Variants in ADGRV1 observed in about 807,000 individuals in gnomAD.
The protein encoded by ADGRV1 is adhesion G protein-coupled receptor V1, also known as G-protein coupled receptor 98.
In ADGRV1, 359 loss-of-function variants were observed where a neutral mutation model predicts 596.2. The observed-to-expected ratio is 0.60, with a 90% CI of 0.55 to 0.66. The LOEUF is 0.66. ADGRV1 is among the 30% of genes least tolerant of loss of function. The probability of loss-of-function intolerance (pLI) is 0.00; values close to 1 mark genes in which losing one functional copy is unlikely to be tolerated. For missense variants in ADGRV1, 7,274 were observed against 7,575.6 expected (o/e 0.96, Z 1.48); for synonymous variants, 2,681 against 2,679.2 (o/e 1.00, Z -0.02).
intron 85 of ADGRV1, among the ~76,000 whole-genome samples, chr5:90,997,798 T>C (rs939042538): frequency 6.6e-6 from 1 of 152,184 alleles, no homozygotes; most frequent in Non-Finnish European, 1.5e-5. Flanking sequence ...CTCTGTGAGC[T>C]TGAAGTTTTC....
intron 1 of ADGRV1, among the ~76,000 whole-genome samples, chr5:90,607,824 C>T (rs947088165): frequency 2.6e-5 from 4 of 152,054 alleles, no homozygotes; most frequent in African/African-American, 9.7e-5. Flanking sequence ...GCATCCCAGT[C>T]ATCAGTTTAG....
At chr5:91,116,382 C>T (rs1431862941) in intron 87 of ADGRV1, among the ~76,000 whole-genome samples, 2 of 152,208 alleles carry the variant, frequency 1.3e-5, no homozygotes, top group Non-Finnish European at 1.5e-5. Flanking sequence ...ACTTACTTTA[C>T]AAGGCACCTA....
intron 84 of ADGRV1, among the ~76,000 whole-genome samples, chr5:90,980,154 A>T (rs1304337350): frequency 3.9e-5 from 6 of 152,214 alleles, no homozygotes; most frequent in Admixed American, 2.6e-4. Flanking sequence ...AGAATTCAAG[A>T]GTACATCATC....
chr5:90,637,727 A>G lies in ADGRV1; in HGVS notation c.2019A>G (p.Val673=), dbSNP rs1339522216. ...TTCTGTTCTTTTCTTTTTATAAGGT[A>G]TACATTCCCTTACATCGGGATGGAA... The part of the protein sequence containing the change: ...HEPEDFAAEV[V]YIPLHRDGTD... The change falls in exon 11 of 90, where the codon GTA becomes GTG. Residue 673 remains valine, a splice_region_variant and synonymous_variant. Transcript: ENST00000405460. 4 of 1,604,296 alleles carry G rather than the reference A, an allele frequency of 2.5e-6. No individual in the cohort carries two copies. The highest frequency in any genetic ancestry group is 1.7e-5 in the Admixed American group (1 of 58,854).
At chr5:91,108,738 A>G (rs772628327) in intron 87 of ADGRV1, among the ~76,000 whole-genome samples, 2 of 152,070 alleles carry the variant, frequency 1.3e-5, no homozygotes, top group African/African-American at 2.4e-5. Flanking sequence ...CTACAGGCAC[A>G]TACCACCATG....
intron 21 of ADGRV1, among the ~76,000 whole-genome samples, chr5:90,661,180 TA>T (rs1344349464): frequency 2.6e-5 from 4 of 152,210 alleles, no homozygotes; most frequent in African/African-American, 7.2e-5. Flanking sequence ...TACCATATTT[TA>T]GCACTGTTTT....
At chr5:90,626,230 CATT>C (rs1764736022) in intron 6 of ADGRV1, 1 of 151,766 alleles carries the variant, frequency 6.6e-6, no homozygotes, top group South Asian at 2.1e-4. Context: ...TATTAGAAGA[CATT>C]ATTAGAAAAG....
At chr5:90,848,467 A>G (rs1331918835) in intron 78 of ADGRV1, among the ~76,000 whole-genome samples, 170 bp from the exon 79 acceptor site, 1 of 152,162 alleles carries the variant, frequency 6.6e-6, no homozygotes, top group Non-Finnish European at 1.5e-5. Flanking sequence ...AACTGCAAAT[A>G]TATATATTTG....
chr5:90,959,975 T>TA (rs1481627804), intron 83 of ADGRV1, among the ~76,000 whole-genome samples: 2 of 151,300 alleles, frequency 1.3e-5, no homozygotes, highest in Non-Finnish European at 3.0e-5. Context: ...CCGTCTCTAC[T>TA]AAAAATACAA....
chr5:90,816,746 A>C (rs1357916959), intron 75 of ADGRV1, among the ~76,000 whole-genome samples: 2 of 151,728 alleles, frequency 1.3e-5, no homozygotes, highest in South Asian at 2.1e-4. Context: ...TGAACTCATC[A>C]TTTTTTATGG....
At chr5:90,791,699 G>T (rs1383834367) in intron 70 of ADGRV1, 2 of 183,634 alleles carry the variant, frequency 1.1e-5, no homozygotes, top group Non-Finnish European at 2.3e-5. Context: ...AAATTTATAG[G>T]CTTCTTTGTG....
intron 78 of ADGRV1, among the ~76,000 whole-genome samples, chr5:90,845,601 AT>A (rs375490518): frequency 2.6e-4 from 39 of 148,960 alleles, no homozygotes; most frequent in African/African-American, 5.6e-4. Flanking sequence ...TTCTGGTATG[AT>A]TTTTTTTTTA....
intron 34 of ADGRV1, 130 bp from the exon 35 acceptor site, chr5:90,703,534 CA>C (rs1748179155): frequency 3.3e-6 from 2 of 605,474 alleles, no homozygotes; most frequent in East Asian, 6.6e-5. Context: ...AAATTCAAAA[CA>C]AAACAGCTTT....
chr5:90,808,234 C>T (rs1382364376), intron 73 of ADGRV1, among the ~76,000 whole-genome samples: 2 of 152,120 alleles, frequency 1.3e-5, no homozygotes, highest in African/African-American at 4.8e-5. Flanking sequence ...TAAATACGTA[C>T]CAGCCAAAAG....
intron 87 of ADGRV1, among the ~76,000 whole-genome samples, chr5:91,125,194 G>A (rs565941769): frequency 6.6e-6 from 1 of 152,310 alleles, no homozygotes; most frequent in African/African-American, 2.4e-5. Context: ...TGCCTCCCCT[G>A]AATGGATGAG....
intron 10 of ADGRV1, among the ~76,000 whole-genome samples, chr5:90,635,691 A>G (rs1424233124): frequency 3.3e-5 from 5 of 151,918 alleles, no homozygotes; most frequent in Non-Finnish European, 5.9e-5. Flanking sequence ...CCCGGGCTCA[A>G]TAGATCCTCC....
At chr5:90,820,954 T>A (rs144844206) in intron 75 of ADGRV1, among the ~76,000 whole-genome samples, 1 of 151,120 alleles carries the variant, frequency 6.6e-6, no homozygotes. Flanking sequence ...TGAATCTGAA[T>A]GTTGGCCTGC....
intron 43 of ADGRV1, chr5:90,718,084 A>G (rs1221737510): frequency 2.0e-5 from 3 of 152,090 alleles, no homozygotes; most frequent in East Asian, 1.9e-4. Context: ...ACCACCATCT[A>G]TTTCCAAAAT....
chr5:90,573,307 G>C (rs545517832), intron 1 of ADGRV1, among the ~76,000 whole-genome samples: 1 of 152,248 alleles, frequency 6.6e-6, no homozygotes, highest in Non-Finnish European at 1.5e-5. Context: ...CTAAATTACA[G>C]TCATGCATTG....
Sources: gnomAD v4.1 joint callset for allele counts (sites outside exome capture counted in the v4.1 genomes callset) on GRCh38, gnomAD v4.1.1 for gene constraint, MANE v1.5 for transcripts, NCBI Gene and HGNC (gene_info 2026-07-23, HGNC 2026-07-21) for gene names.